REST: variants seen among roughly 807,000 people sequenced by gnomAD.
REST encodes RE1-silencing transcription factor.
A neutral mutation model predicts 30.4 loss-of-function variants in REST; 1 was observed. The ratio of observed to expected loss-of-function variants is 0.03; its 90% confidence interval spans 0.01 to 0.16. REST has a LOEUF of 0.16. REST is among the 10% of genes least tolerant of loss of function. REST has a pLI of 1.00. For missense variants in REST, 1,259 were observed against 1,329.5 expected (o/e 0.95, Z 0.82); for synonymous variants, 504 against 451.1 (o/e 1.12, Z -1.49).
chr4:56,918,770 A>G (rs901409430), intron 2 of REST, among the ~76,000 whole-genome samples: 9 of 151,920 alleles, frequency 5.9e-5, no homozygotes, highest in Non-Finnish European at 1.0e-4. Flanking sequence ...TCTTGGGCTC[A>G]AGCAATCCTC....
intron 3 of REST, among the ~76,000 whole-genome samples, chr4:56,925,365 A>G (rs915443972): frequency 6.6e-6 from 1 of 151,968 alleles, no homozygotes; most frequent in Non-Finnish European, 1.5e-5. Flanking sequence ...GGCTTGTGCT[A>G]TAACATGTGG....
chr4:56,914,256 CTTATTTTT>C (rs1210686536), intron 2 of REST, among the ~76,000 whole-genome samples: 3 of 152,148 alleles, frequency 2.0e-5, no homozygotes, highest in Non-Finnish European at 4.4e-5. Context: ...ATTTTATTTA[CTTATTTTT>C]TATATCCCAG....
chr4:56,927,625 A>T, intron 3 of REST: 1 of 1,208,052 alleles, frequency 8.3e-7, no homozygotes, highest in Non-Finnish European at 1.1e-6. Context: ...TGGGGTATGG[A>T]TACCATTTGG....
Position 56,931,649 on chromosome 4 carries a change from G to A in REST, c.2791G>A (p.Gly931Ser), listed in dbSNP as rs1448099045. The A allele has an allele frequency of 6.2e-6, 10 of 1,614,186 alleles. No homozygotes were observed. Among genetic ancestry groups the A allele is most frequent in the Non-Finnish European group, 8.5e-6 (10 of 1,180,030 alleles). Residue 931 changes from glycine to serine, a missense_variant, in exon 4 of 4, where the codon GGT becomes AGT. Transcript: ENST00000309042. ...TGGACAAAACTTGAATACGCCAGAG[G>A]GTGAAACTTTAAATGGTAAACATCA... ...SSGQNLNTPE[G>S]ETLNGKHQTD...
intron 1 of REST, among the ~76,000 whole-genome samples, chr4:56,910,379 A>C (rs1719838522): frequency 6.6e-6 from 1 of 152,250 alleles, no homozygotes; most frequent in South Asian, 2.1e-4. Flanking sequence ...CTGAATGATG[A>C]ATGAGTTGTG....
chr4:56,918,000 C>T (rs1035862094), intron 2 of REST, among the ~76,000 whole-genome samples: 1 of 138,894 alleles, frequency 7.2e-6, no homozygotes, highest in Non-Finnish European at 1.5e-5. Context: ...TGCAGTGAGC[C>T]GAGATCTCAC....
In REST at chr4:56,931,745, A is replaced by G; in HGVS notation, c.2887A>G (p.Asn963Asp). 1.9e-6 allele frequency: 3 copies of G among 1,614,238 alleles called. No individual in the cohort carries two copies. In the South Asian group the frequency reaches 3.3e-5, roughly 18 times the overall value. Residue 963 changes from asparagine to aspartate, a missense_variant, in exon 4 of 4, where the codon AAT becomes GAT. Physicochemically the swap from Asn to Asp is conservative, Grantham distance 23 (BLOSUM62 1). Around this residue, in one of 5 missense-constraint regions of REST, gnomAD observed 856 missense variants for 772.8 expected, o/e 1.11. Transcript: ENST00000309042. ...QNTRENLTGI[N>D]STVEEPVSPM... ...CACAAGAGAGAATCTCACTGGTATA[A>G]ATTCAACAGTTGAAGAACCAGTTTC...
In REST at chr4:56,930,552, TGGA is replaced by T. The variant is rs1450530805; in HGVS notation, c.1699_1701del (p.Glu567del). The T allele has an allele frequency of 3.1e-6, 5 of 1,610,930 alleles. No homozygotes were observed. The African/African-American group carries it at 6.7e-5, about 22-fold the overall frequency. ...GAAGTGCCAAAGGGTGACAGCAAAG[TGGA>T]GGAGAATAAAAAGCAAAATACTTGC... On this transcript the variant is annotated inframe_deletion, in exon 4 of 4. Coordinates refer to ENST00000309042, the MANE Select transcript of REST (RefSeq NM_005612.5).
rs1467865072 is a variant in REST at position 56,934,011 on chromosome 4, T to A, written c.*1859T>A. ...AAAGTTGTTTGAACATGGCATTGAC[T>A]GGGAGGCCAAAGATTTAAAGAAGCG... On this transcript the variant is annotated 3_prime_UTR_variant, in exon 4 of 4. Transcript: ENST00000309042. The A allele has an allele frequency of 1.3e-5, 2 of 152,196 alleles. No individual in the cohort carries two copies. The highest frequency in any genetic ancestry group is 2.4e-5 in the African/African-American group (1 of 41,450). 9.4% of individuals were successfully genotyped at this position (152,196 alleles called of 1,614,324 possible).
chr4:56,912,394 G>A (rs1339778534), intron 2 of REST, among the ~76,000 whole-genome samples: 3 of 145,344 alleles, frequency 2.1e-5, no homozygotes, highest in African/African-American at 7.7e-5. Context: ...AGGCTGGAGT[G>A]CAGTGGCAAG....
Position 56,935,700 on chromosome 4 carries a change from CAAA to C in REST, c.*3549_*3551del, listed in dbSNP as rs1182736897. On this transcript the variant is annotated 3_prime_UTR_variant, in exon 4 of 4. Coordinates refer to ENST00000309042, the MANE Select transcript of REST (RefSeq NM_005612.5). ...TAATAGATAAAAATAAACCAGATTG[CAAA>C]TCCTTTTTTAAAATCCTAAACCATG... 6.6e-6 allele frequency: 1 copy of C among 152,174 alleles called. No homozygotes were observed. Among genetic ancestry groups the C allele is most frequent in the Non-Finnish European group, 1.5e-5 (1 of 68,022 alleles). The allele number at this position is 152,174 out of a possible 1,614,324, so 9.4% of individuals were successfully genotyped here. A position where few individuals can be genotyped will look rare whatever the true frequency, so the allele number is the denominator to read the frequency against.
intron 3 of REST, among the ~76,000 whole-genome samples, chr4:56,928,065 A>G (rs1420156665): frequency 6.6e-6 from 1 of 152,194 alleles, no homozygotes; most frequent in Non-Finnish European, 1.5e-5. Flanking sequence ...CTCAAGATTT[A>G]CCATAAGAAA....
chr4:56,930,119 G>C lies in REST; in HGVS notation c.1261G>C (p.Asp421His). ...KHPTCPNKTM[D>H]VSKVKLKKTK... ...TCCTACTTGTCCTAATAAAACAATG[G>C]ATGTCTCAAAAGTGAAACTAAAGAA... Residue 421 changes from aspartate to histidine, a missense_variant, in exon 4 of 4, where the codon GAT becomes CAT. Around this residue, in one of 5 missense-constraint regions of REST, gnomAD observed 856 missense variants for 772.8 expected, o/e 1.11. Transcript: ENST00000309042. The C allele has an allele frequency of 6.2e-7, 1 of 1,613,708 alleles. No individual in the cohort carries two copies. Among genetic ancestry groups the C allele is most frequent in the Non-Finnish European group, 8.5e-7 (1 of 1,179,950 alleles).
rs745842034 is a variant in REST at position 56,931,985 on chromosome 4, A to G, written c.3127A>G (p.Ser1043Gly). ...HGARPVPQESSRKNAKEALAV... is the reference protein window; with the variant it reads ...HGARPVPQESGRKNAKEALAV... ...GGCTCGGCCAGTTCCACAAGAATCTAGCAGAAAAAATGCAAAGGAAGCCTT... is the reference window on the plus strand; with the variant it reads ...GGCTCGGCCAGTTCCACAAGAATCTGGCAGAAAAAATGCAAAGGAAGCCTT... Residue 1043 changes from serine to glycine, a missense_variant, in exon 4 of 4, where the codon AGC becomes GGC. Physicochemically the swap from Ser to Gly is moderately conservative, Grantham distance 56 (BLOSUM62 0). This residue lies in a region of REST where 856 missense variants were observed against 772.8 expected (regional missense o/e 1.11). Coordinates refer to ENST00000309042, the MANE Select transcript of REST (RefSeq NM_005612.5). The G allele has an allele frequency of 6.2e-7, 1 of 1,614,244 alleles. No individual in the cohort carries two copies. Among genetic ancestry groups the G allele is most frequent in the Non-Finnish European group, 8.5e-7 (1 of 1,180,032 alleles).
At position 56,910,810 on chromosome 4, in the gene REST, G is replaced by T. The variant is rs370180021; in HGVS notation, c.172G>T (p.Val58Leu). 1.9e-6 allele frequency: 3 copies of T among 1,614,184 alleles called. No homozygotes were observed. Among genetic ancestry groups the T allele is most frequent in the South Asian group, 1.1e-5 (1 of 91,074 alleles). The change falls in exon 2 of 4, where the codon GTA (valine) becomes TTA (leucine). Residue 58 changes from valine (V) to leucine (L), a missense_variant. Transcript: ENST00000309042. ...MLANVALTGE[V>L]NGSCCDYLVG... is the part of the protein sequence containing the mutation. ...GGCAAATGTGGCCTTAACTGGGGAAGTAAATGGCAGCTGCTGTGATTACCT... is the reference window on the plus strand; with the variant it reads ...GGCAAATGTGGCCTTAACTGGGGAATTAAATGGCAGCTGCTGTGATTACCT...
In REST at chr4:56,931,332, A is replaced by G; in HGVS notation, c.2474A>G (p.Asn825Ser). 6.2e-7 allele frequency: 1 copy of G among 1,614,272 alleles called. No homozygotes were observed. Among genetic ancestry groups the G allele is most frequent in the Non-Finnish European group, 8.5e-7 (1 of 1,180,054 alleles). The change falls in exon 4 of 4, where the codon AAC (asparagine) becomes AGC (serine). Residue 825 changes from asparagine to serine, a missense_variant. Physicochemically the swap from Asn to Ser is conservative, Grantham distance 46 (BLOSUM62 1). This residue lies in a region of REST where 856 missense variants were observed against 772.8 expected (regional missense o/e 1.11). Transcript: ENST00000309042. ...PLRKDKKEKSNMQSERARKEQ... is the reference protein window; with the variant it reads ...PLRKDKKEKSSMQSERARKEQ... ...CGAAAAGATAAAAAGGAAAAGTCTAACATGCAGAGTGAAAGGGCACGGAAG... is the reference window on the plus strand; with the variant it reads ...CGAAAAGATAAAAAGGAAAAGTCTAGCATGCAGAGTGAAAGGGCACGGAAG...
chr4:56,922,314 A>ATTT (rs10561278), intron 3 of REST: 2 of 67,458 alleles, frequency 3.0e-5, no homozygotes, highest in African/African-American at 5.0e-5. Context: ...TATTATTATT[A>ATTT]CTTTTTTTTT....
chr4:56,930,884 G>C lies in REST; in HGVS notation c.2026G>C (p.Val676Leu). The C allele has an allele frequency of 3.1e-6, 5 of 1,614,002 alleles. No individual in the cohort carries two copies. The highest frequency in any genetic ancestry group is 4.2e-6 in the Non-Finnish European group (5 of 1,179,948). The change falls in exon 4 of 4, where the codon GTG becomes CTG. Residue 676 changes from valine (V) to leucine (L), a missense_variant. Val to Leu is a conservative substitution (Grantham distance 32). This residue lies in a region of REST where 856 missense variants were observed against 772.8 expected (regional missense o/e 1.11). Transcript: ENST00000309042. ...LLPPVEPAQM[V>L]GAQIVLAHME... ...GCCTCCCGTGGAGCCTGCTCAGATG[G>C]TGGGTGCCCAAATTGTACTTGCTCA...
chr4:56,933,637 G>C lies in REST; in HGVS notation c.*1485G>C, dbSNP rs1721050912. ...GCCTCAAATGAATTGCAGCTATCCT[G>C]GTGTTCCTATGAGGGCACTTTGTAT... On this transcript the variant is annotated 3_prime_UTR_variant, in exon 4 of 4. Transcript: ENST00000309042. 6.6e-6 allele frequency: 1 copy of C among 152,118 alleles called. No individual in the cohort carries two copies. The highest frequency in any genetic ancestry group is 6.6e-5 in the Admixed American group (1 of 15,258). The allele number at this position is 152,118 out of a possible 1,614,324, so 9.4% of individuals were successfully genotyped here. A position where few individuals can be genotyped will look rare whatever the true frequency, so the allele number is the denominator to read the frequency against.
Sources: gnomAD v4.1 joint callset for allele counts (sites outside exome capture counted in the v4.1 genomes callset) on GRCh38, gnomAD v4.1.1 for gene constraint, gnomAD v4.1.1 regional missense constraint, MANE v1.5 for transcripts, NCBI Gene and HGNC (gene_info 2026-07-23, HGNC 2026-07-21) for gene names.